Variants in ACAN observed in about 807,000 individuals in gnomAD.
ACAN encodes the protein aggrecan, also known as aggrecan core protein.
Under a neutral mutation model 169.1 loss-of-function variants are expected in ACAN, and 47 were observed. That is an observed-to-expected ratio of 0.28 (90% CI 0.22 to 0.35). ACAN has a LOEUF of 0.35. Ranked by LOEUF, ACAN falls within the 10% of genes least tolerant of loss-of-function variation. ACAN has a pLI of 1.00. For synonymous variants in ACAN, 1,115 were observed against 1,112.2 expected, an observed-to-expected ratio of 1.00 and a Z score of -0.05; for missense variants, 2,716 against 2,759.9, an observed-to-expected ratio of 0.98 and a Z score of 0.36.
At position 88,861,009 on chromosome 15, in the gene ACAN, G is replaced by C. The variant is rs1397724197; in HGVS notation, c.6946+570G>C. Among the ~76,000 whole-genome samples the C allele has an allele frequency of 6.6e-6, 1 of 152,182 alleles. No homozygotes were observed. The highest frequency in any genetic ancestry group is 1.5e-5 in the Non-Finnish European group (1 of 68,036). On this transcript the variant is annotated intron_variant, in intron 13 of 18. Transcript: ENST00000560601. The surrounding 1 kb of genome is among the most constrained non-coding windows in gnomAD (Gnocchi z 6.3). ...CTGCCCAGGCACCCACCATGAGCCT[G>C]TTTGTCCTTAGCTATGGGTGAAGCA...
intron 1 of ACAN, among the ~76,000 whole-genome samples, chr15:88,832,931 G>C (rs575454991): frequency 2.0e-5 from 3 of 152,324 alleles, no homozygotes; most frequent in African/African-American, 7.2e-5. Context: ...GTCCGGCCTG[G>C]AGGAGGGATG....
rs746352037 is a variant in ACAN, at chr15:88,843,612, G to T, written c.1015G>T (p.Asp339Tyr). Reference protein sequence around the residue: ...YVHANQTGYPDPSSRYDAICY... With the variant: ...YVHANQTGYPYPSSRYDAICY... ...GCATGCCAACCAGACGGGCTACCCC[G>T]ACCCCTCATCCCGCTACGACGCCAT... The change falls in exon 6 of 19, where the codon GAC (aspartate) becomes TAC (tyrosine). Residue 339 changes from aspartate to tyrosine, a missense_variant. Coordinates refer to ENST00000560601, the MANE Select transcript of ACAN (RefSeq NM_001369268.1). This position sits in a 1 kb window ranked among gnomAD's most constrained non-coding sequence, Gnocchi z 4.0. 4 of 1,595,284 alleles carry T rather than the reference G, an allele frequency of 2.5e-6. No homozygotes were observed. Among genetic ancestry groups the T allele is most frequent in the Middle Eastern group, 3.3e-4 (2 of 6,004 alleles).
At chr15:88,830,419 AC>A (rs1896330263) in intron 1 of ACAN, among the ~76,000 whole-genome samples, 1 of 152,248 alleles carries the variant, frequency 6.6e-6, no homozygotes. Context: ...ACTAAAGTGT[AC>A]TTACACAAAC....
Position 88,843,762 on chromosome 15 carries a change from G to A in ACAN, c.1051+114G>A. On this transcript the variant is annotated intron_variant, in intron 6 of 18. Coordinates refer to ENST00000560601, the MANE Select transcript of ACAN (RefSeq NM_001369268.1). This position sits in a 1 kb window ranked among gnomAD's most constrained non-coding sequence, Gnocchi z 4.0. ...TTTTTGCCCTTGAAGGGGCCACGGGGTACCTGAACCCCATGTTTTTAGGAC... is the reference window on the plus strand; with the variant it reads ...TTTTTGCCCTTGAAGGGGCCACGGGATACCTGAACCCCATGTTTTTAGGAC... 7.5e-7 allele frequency: 1 copy of A among 1,325,284 alleles called. No individual in the cohort carries two copies. The highest frequency in any genetic ancestry group is 1.0e-6 in the Non-Finnish European group (1 of 986,776). 82.1% of individuals were successfully genotyped at this position (1,325,284 alleles called of 1,614,324 possible). A position where few individuals can be genotyped will look rare whatever the true frequency, so the allele number is the denominator to read the frequency against.
intron 1 of ACAN, among the ~76,000 whole-genome samples, chr15:88,808,048 G>A (rs1035734090): frequency 6.6e-6 from 1 of 152,146 alleles, no homozygotes; most frequent in African/African-American, 2.4e-5. Flanking sequence ...GGGGGCGGGG[G>A]TGCCTGTCTT....
At position 88,847,492 on chromosome 15, in the gene ACAN, C is replaced by A. The variant is rs940211186; in HGVS notation, c.1604+75C>A. On this transcript the variant is annotated intron_variant, in intron 8 of 18. Transcript: ENST00000560601. ...TTAAGGAGCCACAGCCTGACACCGCCCCCAGCACACTGAGCACCCAATACC... is the reference window on the plus strand; with the variant it reads ...TTAAGGAGCCACAGCCTGACACCGCACCCAGCACACTGAGCACCCAATACC... The A allele has an allele frequency of 2.8e-6, 4 of 1,431,784 alleles. No homozygotes were observed. The East Asian group carries it at 1.0e-4, about 36-fold the overall frequency. The allele number at this position is 1,431,784 out of a possible 1,614,324, so 88.7% of individuals were successfully genotyped here.
Position 88,851,839 on chromosome 15 carries a change from C to G in ACAN, c.2072C>G (p.Pro691Arg). Residue 691 changes from proline to arginine, a missense_variant, in exon 11 of 19, where the codon CCC becomes CGC. Physicochemically the swap from Pro to Arg is moderately radical, Grantham distance 103. Transcript: ENST00000560601. The surrounding 1 kb of genome is among the most constrained non-coding windows in gnomAD (Gnocchi z 4.3). ...PSPGEEEGGT[P>R]TSPSGVEEWI... The stretch of plus-strand genomic sequence containing the variant: ...CCAGGAGAAGAAGAGGGTGGCACAC[C>G]CACATCACCCTCTGGTGTGGAGGAG... The G allele has an allele frequency of 6.2e-7, 1 of 1,610,242 alleles. No individual in the cohort carries two copies. Among genetic ancestry groups the G allele is most frequent in the Non-Finnish European group, 8.5e-7 (1 of 1,178,320 alleles).
At chr15:88,864,952 A>G (rs1389881309) in intron 13 of ACAN, among the ~76,000 whole-genome samples, 2 of 152,186 alleles carry the variant, frequency 1.3e-5, no homozygotes, top group African/African-American at 4.8e-5. Flanking sequence ...TTATGAGCAA[A>G]TAAACTCTCA....
At position 88,843,226 on chromosome 15, in the gene ACAN, A is replaced by G. The variant is rs867897323; in HGVS notation, c.758-129A>G. 4.5e-5 allele frequency: 35 copies of G among 782,898 alleles called. 1 individual carries two copies. The African/African-American group carries it at 4.6e-4, about 10-fold the overall frequency. 48.5% of individuals were successfully genotyped at this position (782,898 alleles called of 1,614,324 possible). On this transcript the variant is annotated intron_variant, in intron 5 of 18. Coordinates refer to ENST00000560601, the MANE Select transcript of ACAN (RefSeq NM_001369268.1). This position sits in a 1 kb window ranked among gnomAD's most constrained non-coding sequence, Gnocchi z 4.0. The stretch of plus-strand genomic sequence containing the variant: ...GAAGGGCAAGATCTGAGATGCAGAC[A>G]TATGGGACCAGGACTTTGGGAAGTT...
At chr15:88,862,801 C>T (rs1567190477) in intron 13 of ACAN, among the ~76,000 whole-genome samples, 1 of 152,084 alleles carries the variant, frequency 6.6e-6, no homozygotes, top group Non-Finnish European at 1.5e-5. Context: ...AGTTCGAAAC[C>T]AGCCTAATCA....
At position 88,858,893 on chromosome 15, in the gene ACAN, C is replaced by T. The variant is rs375589819; in HGVS notation, c.6308C>T (p.Thr2103Met). 9.4e-5 allele frequency: 152 copies of T among 1,609,182 alleles called. No homozygotes were observed. The highest frequency in any genetic ancestry group is 4.9e-4 in the Admixed American group (29 of 59,708). Reference sequence around the variant, plus strand: ...TCAGTCCCAGAATCTAGCAGTGAGACGTCCGCCTATCCTGAAGCTGGGTTC... The same window carrying T: ...TCAGTCCCAGAATCTAGCAGTGAGATGTCCGCCTATCCTGAAGCTGGGTTC... ...VSSVPESSSE[T>M]SAYPEAGFGA... Residue 2103 changes from threonine to methionine, a missense_variant, in exon 12 of 19, where the codon ACG (threonine) becomes ATG (methionine). Thr to Met is a moderately conservative substitution (Grantham distance 81). This residue lies in a region of ACAN where 1,389 missense variants were observed against 1,363.7 expected (regional missense o/e 1.02). Coordinates refer to ENST00000560601, the MANE Select transcript of ACAN (RefSeq NM_001369268.1). The surrounding 1 kb of genome is among the most constrained non-coding windows in gnomAD (Gnocchi z 4.0).
Position 88,873,049 on chromosome 15 carries a change from CA to C in ACAN, c.7447+25del. On this transcript the variant is annotated intron_variant, in intron 17 of 18. Coordinates refer to ENST00000560601, the MANE Select transcript of ACAN (RefSeq NM_001369268.1). The surrounding 1 kb of genome is among the most constrained non-coding windows in gnomAD (Gnocchi z 7.5). ...AGGTAAGCTGGCGCCTGGGAGGGGTCAGGGGAGGATAGGATCAAGACCTCCA... is the reference window on the plus strand; with the variant it reads ...AGGTAAGCTGGCGCCTGGGAGGGGTCGGGGAGGATAGGATCAAGACCTCCA... The C allele has an allele frequency of 1.9e-6, 3 of 1,607,660 alleles. No homozygotes were observed. The highest frequency in any genetic ancestry group is 2.5e-6 in the Non-Finnish European group (3 of 1,176,994).
chr15:88,851,749 A>C lies in ACAN; in HGVS notation c.2027-45A>C. The C allele has an allele frequency of 6.6e-7, 1 of 1,515,020 alleles. No individual in the cohort carries two copies. The highest frequency in any genetic ancestry group is 8.9e-7 in the Non-Finnish European group (1 of 1,127,294). 93.8% of individuals were successfully genotyped at this position (1,515,020 alleles called of 1,614,324 possible). On this transcript the variant is annotated intron_variant, in intron 10 of 18. Coordinates refer to ENST00000560601, the MANE Select transcript of ACAN (RefSeq NM_001369268.1). This position sits in a 1 kb window ranked among gnomAD's most constrained non-coding sequence, Gnocchi z 4.3. ...AAGAAGGGCCAGCCAAGGACGGGTCACTGGTAAGAGAGGGACTCACTCTGA... is the reference window on the plus strand; with the variant it reads ...AAGAAGGGCCAGCCAAGGACGGGTCCCTGGTAAGAGAGGGACTCACTCTGA...
At chr15:88,862,826 C>T (rs995278334) in intron 13 of ACAN, among the ~76,000 whole-genome samples, 3 of 152,112 alleles carry the variant, frequency 2.0e-5, no homozygotes, top group African/African-American at 7.2e-5. Context: ...GGTGAAACCC[C>T]ATCTCTACTA....
rs901420085 is a variant in ACAN at position 88,869,209 on chromosome 15, A to C, written c.7060+880A>C. On this transcript the variant is annotated intron_variant, in intron 14 of 18. Transcript: ENST00000560601. The surrounding 1 kb of genome is among the most constrained non-coding windows in gnomAD (Gnocchi z 4.2). ...AGAAAAGGGGAGATGAGACCTTTGGATACTTGTCTCAGTGGCCCAGACAGA... is the reference window on the plus strand; with the variant it reads ...AGAAAAGGGGAGATGAGACCTTTGGCTACTTGTCTCAGTGGCCCAGACAGA... 2.0e-5 allele frequency among the ~76,000 whole-genome samples: 3 copies of C among 152,116 alleles called. No individual in the cohort carries two copies. The highest frequency in any genetic ancestry group is 7.2e-5 in the African/African-American group (3 of 41,434).
intron 10 of ACAN, chr15:88,850,353 T>C (rs772509316): frequency 6.2e-6 from 1 of 161,348 alleles, no homozygotes; most frequent in Non-Finnish European, 1.4e-5. Context: ...ATTTCAACCA[T>C]CACTCCCCAC....
At position 88,859,274 on chromosome 15, in the gene ACAN, C is replaced by G. The variant is rs767636869; in HGVS notation, c.6689C>G (p.Ala2230Gly). The change falls in exon 12 of 19, where the codon GCA (alanine) becomes GGA (glycine). Residue 2230 changes from alanine (A) to glycine (G), a missense_variant. By Grantham distance (60) the Ala-to-Gly change is moderately conservative. This residue lies in a region of ACAN where 1,389 missense variants were observed against 1,363.7 expected (regional missense o/e 1.02). Coordinates refer to ENST00000560601, the MANE Select transcript of ACAN (RefSeq NM_001369268.1). ...SEWTQQTQRPAETHLEIESSS... is the reference protein window; with the variant it reads ...SEWTQQTQRPGETHLEIESSS... ...TGGACCCAGCAGACCCAGCGCCCTGCAGAGACGCATCTAGAAATTGAGTCC... is the reference window on the plus strand; with the variant it reads ...TGGACCCAGCAGACCCAGCGCCCTGGAGAGACGCATCTAGAAATTGAGTCC... 6.2e-6 allele frequency: 10 copies of G among 1,613,878 alleles called. No individual in the cohort carries two copies. The highest frequency in any genetic ancestry group is 3.3e-5 in the South Asian group (3 of 91,074).
intron 1 of ACAN, among the ~76,000 whole-genome samples, chr15:88,815,561 G>GA (rs11291752): frequency 3.7e-4 from 37 of 100,502 alleles, no homozygotes; most frequent in Non-Finnish European, 5.8e-4. Context: ...TCCAACTCAA[G>GA]AAAAAAAAAA....
intron 1 of ACAN, among the ~76,000 whole-genome samples, chr15:88,831,908 G>C (rs1305305450): frequency 6.6e-6 from 1 of 152,240 alleles, no homozygotes; most frequent in Non-Finnish European, 1.5e-5. Flanking sequence ...GCAGGAAGCA[G>C]ATTGGACCTC....
Sources: gnomAD v4.1 joint callset for allele counts (sites outside exome capture counted in the v4.1 genomes callset) on GRCh38, gnomAD v4.1.1 for gene constraint, gnomAD v4.1.1 regional missense constraint, Gnocchi (gnomAD v3.1) non-coding constraint, MANE v1.5 for transcripts, NCBI Gene and HGNC (gene_info 2026-07-23, HGNC 2026-07-21) for gene names.